ANKRD11: variants seen among roughly 807,000 people sequenced by gnomAD.
ANKRD11 encodes the protein ankyrin repeat domain 11.
A neutral mutation model predicts 195.7 loss-of-function variants in ANKRD11; 17 were observed. The observed-to-expected ratio is 0.09, with a 90% CI of 0.06 to 0.13. ANKRD11 has a LOEUF of 0.13. ANKRD11 is among the 10% of genes least tolerant of loss of function. ANKRD11 has a pLI of 1.00. For missense variants in ANKRD11, 3,735 were observed against 3,566.1 expected (o/e 1.05, Z -1.21); for synonymous variants, 1,953 against 1,528.1 (o/e 1.28, Z -6.49).
At chr16:89,324,684 A>G (rs6500546) in intron 2 of ANKRD11, 199,900 of 350,076 alleles carry the variant, frequency 0.57, 58,282 homozygotes, top group Middle Eastern at 0.69. Flanking sequence ...CCTGCCCTCG[A>G]ACATCAGACT....
At chr16:89,390,753 T>C (rs2041154899) in intron 2 of ANKRD11, among the ~76,000 whole-genome samples, 1 of 151,990 alleles carries the variant, frequency 6.6e-6, no homozygotes, top group Non-Finnish European at 1.5e-5. Context: ...GTGAAAATCT[T>C]TCAAAAACAA....
intron 1 of ANKRD11, among the ~76,000 whole-genome samples, chr16:89,486,480 T>C (rs959751362): frequency 4.8e-5 from 7 of 145,236 alleles, no homozygotes; most frequent in African/African-American, 1.8e-4. Context: ...CTAAAGGAAG[T>C]GATATTACAC....
chr16:89,327,007 G>T (rs1028569144), intron 2 of ANKRD11, among the ~76,000 whole-genome samples: 3 of 151,394 alleles, frequency 2.0e-5, no homozygotes, highest in African/African-American at 7.3e-5. Flanking sequence ...AATGCAGAGG[G>T]GGAATGCAGA....
At chr16:89,308,151 G>A (rs974115331) in intron 3 of ANKRD11, among the ~76,000 whole-genome samples, 1 of 152,144 alleles carries the variant, frequency 6.6e-6, no homozygotes, top group African/African-American at 2.4e-5. Flanking sequence ...AAAAGAAAAT[G>A]ATAAACCAAC....
chr16:89,419,440 G>A (rs1351045999), intron 1 of ANKRD11, among the ~76,000 whole-genome samples: 1 of 146,864 alleles, frequency 6.8e-6, no homozygotes, highest in African/African-American at 2.5e-5. Flanking sequence ...GTGACAGAGC[G>A]AAACTCGTCT....
intron 9 of ANKRD11, among the ~76,000 whole-genome samples, chr16:89,275,739 C>T (rs1006605815): frequency 6.6e-6 from 1 of 152,164 alleles, no homozygotes; most frequent in African/African-American, 2.4e-5. Flanking sequence ...GGGCCGGAAG[C>T]GCAGGCACTG....
intron 12 of ANKRD11, 123 bp from the exon 13 acceptor site, chr16:89,268,786 C>T (rs2032861364): frequency 2.6e-6 from 3 of 1,142,598 alleles, no homozygotes; most frequent in Admixed American, 4.2e-5. Flanking sequence ...CTGGTATGGG[C>T]CAGGCCCAGC....
In ANKRD11 at chr16:89,281,262, AAAG is replaced by A; in HGVS notation, c.5277_5279del (p.Phe1761del). On this transcript the variant is annotated inframe_deletion, in exon 9 of 13. Coordinates refer to ENST00000301030, the MANE Select transcript of ANKRD11 (RefSeq NM_013275.6). The surrounding 1 kb of genome is among the most constrained non-coding windows in gnomAD (Gnocchi z 5.5). ...TTGAAGCCACGGAGAACCTGTCGAA[AAAG>A]GAGGGGGAGCAGGCGCTGGTGGGAG... is the stretch of plus-strand genomic sequence containing the variant. 1 of 1,614,134 alleles carries A rather than the reference AAAG, an allele frequency of 6.2e-7. No homozygotes were observed. The highest frequency in any genetic ancestry group is 8.5e-7 in the Non-Finnish European group (1 of 1,180,014).
Position 89,490,530 on chromosome 16 carries a change from G to C in ANKRD11, c.-430C>G, listed in dbSNP as rs1567878780. ...CGGCGCCTCCCCGGCTGGGGCCCTC[G>C]GTCCATCGCGCACCGTCTCAGGGCG... On this transcript the variant is annotated 5_prime_UTR_variant, in exon 1 of 13. Transcript: ENST00000301030. 2.1e-6 allele frequency: 1 copy of C among 468,920 alleles called. No homozygotes were observed. Among genetic ancestry groups the C allele is most frequent in the Non-Finnish European group, 3.8e-6 (1 of 261,238 alleles). 29.0% of individuals were successfully genotyped at this position (468,920 alleles called of 1,614,324 possible). A position where few individuals can be genotyped will look rare whatever the true frequency, so the allele number is the denominator to read the frequency against.
intron 1 of ANKRD11, among the ~76,000 whole-genome samples, chr16:89,440,138 T>C (rs1350120681): frequency 6.6e-6 from 1 of 152,240 alleles, no homozygotes; most frequent in East Asian, 1.9e-4. Context: ...TCCCTGCCTC[T>C]TCCTACTTCT....
chr16:89,385,899 G>A (rs142337266), intron 2 of ANKRD11, among the ~76,000 whole-genome samples: 13 of 152,198 alleles, frequency 8.5e-5, no homozygotes, highest in African/African-American at 1.7e-4. Context: ...TAGGCAACCC[G>A]GTGGTCCCCA....
intron 2 of ANKRD11, among the ~76,000 whole-genome samples, chr16:89,335,947 T>C (rs893343384): frequency 1.3e-5 from 2 of 152,220 alleles, no homozygotes; most frequent in African/African-American, 2.4e-5. Context: ...GCCGCAAACA[T>C]GACCGTGCAA....
chr16:89,449,910 T>C (rs1467922045), intron 1 of ANKRD11, among the ~76,000 whole-genome samples: 1 of 152,156 alleles, frequency 6.6e-6, no homozygotes. Context: ...CACTGAAGAA[T>C]GCAGTCCTGG....
At chr16:89,367,019 T>C (rs894693363) in intron 2 of ANKRD11, among the ~76,000 whole-genome samples, 1 of 152,160 alleles carries the variant, frequency 6.6e-6, no homozygotes, top group African/African-American at 2.4e-5. Flanking sequence ...GCTTTGCCAG[T>C]GTGCAGGCTG....
chr16:89,393,992 T>C (rs1035134055), intron 2 of ANKRD11, among the ~76,000 whole-genome samples: 6 of 152,100 alleles, frequency 3.9e-5, no homozygotes, highest in South Asian at 2.1e-4. Context: ...GTGCCAAACA[T>C]GAAAGTGGGT....
At chr16:89,399,604 TCATC>T (rs1053075453) in intron 2 of ANKRD11, among the ~76,000 whole-genome samples, 7 of 152,016 alleles carry the variant, frequency 4.6e-5, no homozygotes, top group African/African-American at 1.7e-4. Context: ...CAGGATACGT[TCATC>T]CAACCATAGA....
chr16:89,280,914 G>T lies in ANKRD11; in HGVS notation c.5628C>A (p.Thr1876=). 5.6e-6 allele frequency: 9 copies of T among 1,599,076 alleles called. No homozygotes were observed. The highest frequency in any genetic ancestry group is 7.7e-6 in the Non-Finnish European group (9 of 1,169,688). ...TTGAGAAGACGCCCTCTGGAGACGG[G>T]GTGACAGTGACAACGGCAGCCGGTG... ...HCPPAAVVTV[T]PSPEGVFSSL... The change falls in exon 9 of 13, where the codon ACC becomes ACA. Residue 1876 remains threonine, a synonymous_variant. Transcript: ENST00000301030.
chr16:89,446,205 A>G (rs2043784826), intron 1 of ANKRD11, among the ~76,000 whole-genome samples: 1 of 152,152 alleles, frequency 6.6e-6, no homozygotes, highest in Non-Finnish European at 1.5e-5. Context: ...GTTTTCCATG[A>G]ATGAGCTATT....
intron 2 of ANKRD11, among the ~76,000 whole-genome samples, chr16:89,342,227 G>T (rs2038725111): frequency 6.6e-6 from 1 of 152,256 alleles, no homozygotes; most frequent in African/African-American, 2.4e-5. Flanking sequence ...AAAAAGATGA[G>T]GTCAACTGCC....
Sources: allele counts gnomAD v4.1 joint callset (sites outside exome capture counted in the v4.1 genomes callset), GRCh38; gene constraint gnomAD v4.1.1; non-coding constraint Gnocchi (gnomAD v3.1); transcripts MANE v1.5; gene names NCBI Gene and HGNC (gene_info 2026-07-23, HGNC 2026-07-21).